The following MDGA2 variants were observed in gnomAD, a reference collection of about 807,000 sequenced individuals.
MDGA2 encodes the protein MAM domain containing glycosylphosphatidylinositol anchor 2, also known as MAM domain-containing glycosylphosphatidylinositol anchor protein 2.
A neutral mutation model predicts 117.8 loss-of-function variants in MDGA2; 40 were observed. The observed-to-expected ratio is 0.34, with a 90% CI of 0.26 to 0.44. The LOEUF (loss-of-function observed/expected upper bound fraction) is 0.44, where lower values mean the gene tolerates loss of function less well. Among genes scored for constraint, MDGA2 ranks in the 20% least tolerant of loss-of-function variants. The pLI, the probability that MDGA2 is intolerant of heterozygous loss-of-function variation, is 1.00. For missense variants in MDGA2, 1,123 were observed against 1,250.6 expected, an observed-to-expected ratio of 0.90 and a Z score of 1.54; for synonymous variants, 452 against 439.0, an observed-to-expected ratio of 1.03 and a Z score of -0.37.
intron 3 of MDGA2, among the ~76,000 whole-genome samples, chr14:47,146,986 T>C (rs972996459): frequency 2.0e-5 from 3 of 152,146 alleles, no homozygotes; most frequent in Non-Finnish European, 2.9e-5. Flanking sequence ...ATCTGTTGAA[T>C]TGACTCATGT....
intron 1 of MDGA2, among the ~76,000 whole-genome samples, chr14:47,581,369 A>AT (rs1431830688): frequency 6.6e-6 from 1 of 151,962 alleles, no homozygotes; most frequent in Non-Finnish European, 1.5e-5. Context: ...TGTTTTGATT[A>AT]TTTGAGGATA....
chr14:47,041,719 T>C (rs950013234), intron 7 of MDGA2, among the ~76,000 whole-genome samples: 3 of 152,186 alleles, frequency 2.0e-5, no homozygotes, highest in Non-Finnish European at 2.9e-5. Flanking sequence ...GAAGCAAATA[T>C]AGAAAAAGAA....
At chr14:47,440,814 T>G (rs1296465367) in intron 1 of MDGA2, among the ~76,000 whole-genome samples, 1 of 152,082 alleles carries the variant, frequency 6.6e-6, no homozygotes, top group Non-Finnish European at 1.5e-5. Flanking sequence ...ATGTGATTAT[T>G]TCCTCTGGAA....
intron 6 of MDGA2, among the ~76,000 whole-genome samples, chr14:47,062,936 T>C (rs529081108): frequency 6.6e-6 from 1 of 152,138 alleles, no homozygotes; most frequent in African/African-American, 2.4e-5. Context: ...AAAAACAATG[T>C]TTGTGTCTTT....
intron 1 of MDGA2, among the ~76,000 whole-genome samples, chr14:47,383,000 T>C (rs1891671268): frequency 6.6e-6 from 1 of 152,200 alleles, no homozygotes; most frequent in Non-Finnish European, 1.5e-5. Context: ...GTGGCACATA[T>C]ACACCAGGAA....
chr14:47,198,192 C>G (rs546810552), intron 3 of MDGA2, among the ~76,000 whole-genome samples: 1 of 152,234 alleles, frequency 6.6e-6, no homozygotes, highest in East Asian at 1.9e-4. Flanking sequence ...ACAAACTGGT[C>G]AAAACAGCAA....
In MDGA2 at chr14:47,638,554, A is replaced by G. The variant is rs111626368; in HGVS notation, c.280+35963T>C. Among the ~76,000 whole-genome samples the G allele has an allele frequency of 3.5e-4, 54 of 152,264 alleles. 2 individuals carry two copies. The highest frequency in any genetic ancestry group is 1.2e-3 in the African/African-American group (50 of 41,560). On this transcript the variant is annotated intron_variant, in intron 1 of 16. Transcript: ENST00000399232. ...TTATTCAGCCTAATCCTGCACCATTACTCCGACTAAAATTCCTGAATAGTT... is the reference window on the plus strand; with the variant it reads ...TTATTCAGCCTAATCCTGCACCATTGCTCCGACTAAAATTCCTGAATAGTT...
intron 8 of MDGA2, among the ~76,000 whole-genome samples, chr14:46,987,766 G>T (rs1443883807): frequency 6.6e-6 from 1 of 151,914 alleles, no homozygotes; most frequent in African/African-American, 2.4e-5. Flanking sequence ...TTGCTTCTAT[G>T]TGCAAAGCAA....
At chr14:47,045,123 T>G (rs1461097999) in intron 7 of MDGA2, among the ~76,000 whole-genome samples, 3 of 152,038 alleles carry the variant, frequency 2.0e-5, no homozygotes. Context: ...AAATAGAAAA[T>G]CATTCTCTGC....
At chr14:47,101,088 G>T (rs1052232609) in intron 5 of MDGA2, among the ~76,000 whole-genome samples, 1 of 110,678 alleles carries the variant, frequency 9.0e-6, no homozygotes, top group Non-Finnish European at 1.9e-5. Context: ...TAGATAGATA[G>T]ATAGATAGAT....
chr14:47,181,801 A>G (rs1884717487), intron 3 of MDGA2, among the ~76,000 whole-genome samples: 1 of 152,160 alleles, frequency 6.6e-6, no homozygotes. Context: ...CTGCAAACCA[A>G]TATACATCAT....
intron 1 of MDGA2, among the ~76,000 whole-genome samples, chr14:47,507,163 G>C (rs1489878048): frequency 6.6e-6 from 1 of 152,038 alleles, no homozygotes; most frequent in African/African-American, 2.4e-5. Context: ...ATATAAAAGA[G>C]AACAGAGAGA....
At chr14:47,506,969 G>A (rs1894526320) in intron 1 of MDGA2, among the ~76,000 whole-genome samples, 2 of 150,872 alleles carry the variant, frequency 1.3e-5, no homozygotes, top group African/African-American at 4.9e-5. Context: ...GGAGGTAGTG[G>A]AAGAAGAGAC....
chr14:47,445,094 A>G (rs1893094049), intron 1 of MDGA2, among the ~76,000 whole-genome samples: 1 of 152,100 alleles, frequency 6.6e-6, no homozygotes, highest in Admixed American at 6.6e-5. Context: ...TGTAAAGGTA[A>G]GTGCTAAACC....
Position 46,960,906 on chromosome 14 carries a change from T to TTTATATATACATATATGTATATA in MDGA2, c.1820-3264_1820-3263insTATATACATATATGTATATATAA, listed in dbSNP as rs1444987602. On this transcript the variant is annotated intron_variant, in intron 8 of 16. Coordinates refer to ENST00000399232, the MANE Select transcript of MDGA2 (RefSeq NM_001113498.3). ...TATATATACATATATGTATATATAT[T>TTTATATATACATATATGTATATA]TAATGTTTTATATATACATATATGT... Among the ~76,000 whole-genome samples the TTTATATATACATATATGTATATA allele has an allele frequency of 2.1e-3, 273 of 131,446 alleles. 2 individuals carry two copies. Among genetic ancestry groups the TTTATATATACATATATGTATATA allele is most frequent in the Non-Finnish European group, 1.1e-3 (63 of 57,856 alleles). 86.2% of individuals were successfully genotyped at this position (131,446 alleles called of 152,430 possible).
At chr14:47,424,664 ATTAT>A (rs1315068044) in intron 1 of MDGA2, among the ~76,000 whole-genome samples, 1 of 152,148 alleles carries the variant, frequency 6.6e-6, no homozygotes, top group East Asian at 1.9e-4. Flanking sequence ...TGGATTGTAT[ATTAT>A]TTAGTTAATT....
At chr14:46,943,096 C>T (rs1455232226) in intron 9 of MDGA2, among the ~76,000 whole-genome samples, 1 of 151,856 alleles carries the variant, frequency 6.6e-6, no homozygotes, top group Non-Finnish European at 1.5e-5. Context: ...TAATTTGAAC[C>T]GTTATGTCTT....
In MDGA2 at chr14:47,567,643, A is replaced by G. The variant is rs994862599; in HGVS notation, c.280+106874T>C. 2.0e-5 allele frequency among the ~76,000 whole-genome samples: 3 copies of G among 152,176 alleles called. 1 individual carries two copies. The highest frequency in any genetic ancestry group is 4.1e-4 in the South Asian group (2 of 4,830). ...CACATGCTCTTCTGGGGTAGCTGCT[A>G]TCATCTGCATTTGCTTGACCCAGAA... On this transcript the variant is annotated intron_variant, in intron 1 of 16. Coordinates refer to ENST00000399232, the MANE Select transcript of MDGA2 (RefSeq NM_001113498.3).
intron 7 of MDGA2, among the ~76,000 whole-genome samples, chr14:47,045,837 C>T (rs762418391): frequency 5.9e-5 from 9 of 151,846 alleles, no homozygotes; most frequent in Admixed American, 2.0e-4. Flanking sequence ...TGGTGGCGGG[C>T]GCCTGTAATC....
Sources: gnomAD v4.1 joint callset for allele counts (sites outside exome capture counted in the v4.1 genomes callset) on GRCh38, gnomAD v4.1.1 for gene constraint, MANE v1.5 for transcripts, NCBI Gene and HGNC (gene_info 2026-07-23, HGNC 2026-07-21) for gene names.